The following CC2D1B variants were observed in gnomAD, a reference collection of about 807,000 sequenced individuals.
CC2D1B encodes coiled-coil and C2 domain containing 1B.
In CC2D1B, 92 loss-of-function variants were observed where a neutral mutation model predicts 110.8. The observed-to-expected ratio is 0.83, with a 90% CI of 0.70 to 0.99. The LOEUF (loss-of-function observed/expected upper bound fraction) is 0.99, where lower values mean the gene tolerates loss of function less well. CC2D1B is among the 50% of genes least tolerant of loss of function. CC2D1B has a pLI of 0.00. For synonymous variants in CC2D1B, 406 were observed against 429.2 expected (o/e 0.95, Z 0.67); for missense variants, 1,136 against 1,089.0 (o/e 1.04, Z -0.61).
intron 16 of CC2D1B, chr1:52,356,668 T>A (rs1646659808): frequency 1.6e-6 from 1 of 612,024 alleles, no homozygotes; most frequent in South Asian, 2.0e-5. Context: ...AGCAACTCCT[T>A]CCATCAAAAC....
intron 3 of CC2D1B, 87 bp downstream of exon 3, chr1:52,362,515 C>T: frequency 6.6e-7 from 1 of 1,505,966 alleles, no homozygotes; most frequent in South Asian, 1.2e-5. Flanking sequence ...ATCTGGCTGG[C>T]TCCGTCCAGC....
At chr1:52,361,939 T>G (rs1382575310) in intron 3 of CC2D1B, among the ~76,000 whole-genome samples, 1 of 152,246 alleles carries the variant, frequency 6.6e-6, no homozygotes, top group Non-Finnish European at 1.5e-5. Context: ...CAACAGAGCT[T>G]CAAAACAAAT....
At chr1:52,354,974 C>T (rs1340241403) in intron 21 of CC2D1B, 35 bp from the exon 22 acceptor site, 4 of 1,551,706 alleles carry the variant, frequency 2.6e-6, no homozygotes, top group Admixed American at 3.3e-5. Flanking sequence ...AGGGGCTTGG[C>T]TCTCGGGATT....
Position 52,354,625 on chromosome 1 carries a change from T to C in CC2D1B, c.2413A>G (p.Ile805Val), listed in dbSNP as rs768323645. 1 of 1,614,202 alleles carries C rather than the reference T, an allele frequency of 6.2e-7. No homozygotes were observed. The highest frequency in any genetic ancestry group is 8.5e-7 in the Non-Finnish European group (1 of 1,180,038). Residue 805 changes from isoleucine to valine, a missense_variant, in exon 23 of 25, where the codon ATC (isoleucine) becomes GTC (valine). Transcript: ENST00000284376. ...GCCCCTACCTCCACAATTTCTCTGA[T>C]CTCACACTCATTCTCCAGCCGCTCC... ...KLERLENECE[I>V]REIVEVLDGR... is the part of the protein sequence containing the mutation.
In CC2D1B at chr1:52,356,387, G is replaced by C. The variant is rs1242634724; in HGVS notation, c.1934C>G (p.Thr645Ser). 3 of 1,614,058 alleles carry C rather than the reference G, an allele frequency of 1.9e-6. No homozygotes were observed. ...FMHQGNVAET[T>S]RFEKLAQDRK... is the part of the protein sequence containing the mutation. Reference sequence around the variant, plus strand: ...CAGCCCCAGCCCTTGCACTTACCGGGTGGTCTCAGCCACGTTGCCCTGGTG... The same window carrying C: ...CAGCCCCAGCCCTTGCACTTACCGGCTGGTCTCAGCCACGTTGCCCTGGTG... The change falls in exon 17 of 25, where the codon ACC (threonine) becomes AGC (serine). Residue 645 changes from threonine to serine, a missense_variant. Coordinates refer to ENST00000284376, the MANE Select transcript of CC2D1B (RefSeq NM_001330585.2).
chr1:52,357,219 C>T (rs1646673365), intron 15 of CC2D1B, 93 bp from the exon 16 acceptor site: 1 of 1,444,924 alleles, frequency 6.9e-7, no homozygotes, highest in African/African-American at 1.4e-5. Flanking sequence ...AGTAATTCTT[C>T]AGCTTCTACT....
In CC2D1B at chr1:52,361,048, C is replaced by T; in HGVS notation, c.403G>A (p.Glu135Lys). Residue 135 changes from glutamate to lysine, a missense_variant, in exon 5 of 25, where the codon GAG becomes AAG. Transcript: ENST00000284376. ...DEVADPGGSE[E>K]ENGLEDTEPP... The stretch of plus-strand genomic sequence containing the variant: ...TCAGTGTCTTCTAGGCCGTTCTCCT[C>T]CTCAGAGCCGCCTGGGTCAGCTACC... The T allele has an allele frequency of 1.2e-6, 2 of 1,614,136 alleles. No homozygotes were observed. The highest frequency in any genetic ancestry group is 2.7e-5 in the African/African-American group (2 of 75,032).
intron 12 of CC2D1B, 78 bp downstream of exon 12, chr1:52,358,608 G>T: frequency 6.4e-7 from 1 of 1,569,290 alleles, no homozygotes; most frequent in Non-Finnish European, 8.8e-7. Flanking sequence ...TGAGAAGTGG[G>T]AATCACTGGC....
chr1:52,357,068 A>T lies in CC2D1B; in HGVS notation c.1811T>A (p.Leu604Gln), dbSNP rs773966067. The T allele has an allele frequency of 4.3e-6, 7 of 1,610,760 alleles. No homozygotes were observed. In the Admixed American group the frequency reaches 1.2e-4, roughly 27 times the overall value. Residue 604 changes from leucine (L) to glutamine (Q), a missense_variant, in exon 16 of 25, where the codon CTG (leucine) becomes CAG (glutamine). Coordinates refer to ENST00000284376, the MANE Select transcript of CC2D1B (RefSeq NM_001330585.2). The part of the protein sequence containing the change: ...GDFILIHHED[L>Q]RLSQKAEEVY... Reference sequence around the variant, plus strand: ...CTCCTCCGCCTTCTGGGAGAGTCGCAGGTCCTCATGGTGGATGAGGATGAA... The same window carrying T: ...CTCCTCCGCCTTCTGGGAGAGTCGCTGGTCCTCATGGTGGATGAGGATGAA...
chr1:52,356,657 T>C (rs556836775), intron 16 of CC2D1B: 2 of 613,944 alleles, frequency 3.3e-6, no homozygotes, highest in South Asian at 4.1e-5. Context: ...TTCCCCAAAT[T>C]AGCAACTCCT....
chr1:52,359,415 A>G (rs1248687316), intron 9 of CC2D1B, 44 bp downstream of exon 9: 3 of 1,612,246 alleles, frequency 1.9e-6, no homozygotes, highest in African/African-American at 2.7e-5. Flanking sequence ...CAGGCCTGCT[A>G]CTCCTCCCCA....
rs1646563780 is a variant in CC2D1B, at chr1:52,353,247, G to GT, written c.*2-25_*2-24insA. On this transcript the variant is annotated intron_variant, in intron 24 of 24. Transcript: ENST00000284376. The stretch of plus-strand genomic sequence containing the variant: ...GGCTACACAGGGGTGCAAAGCACAA[G>GT]AAGTCAGTCTAAACTGCAGTGAAAA... The GT allele has an allele frequency of 2.9e-6, 4 of 1,401,256 alleles. No individual in the cohort carries two copies. In the African/African-American group the frequency reaches 5.8e-5, roughly 20 times the overall value. 86.8% of individuals were successfully genotyped at this position (1,401,256 alleles called of 1,614,324 possible). A position where few individuals can be genotyped will look rare whatever the true frequency, so the allele number is the denominator to read the frequency against.
rs1214725500 is a variant in CC2D1B, at chr1:52,352,003, C to T, written c.*1222G>A. 6.6e-6 allele frequency: 1 copy of T among 152,084 alleles called. No individual in the cohort carries two copies. Among genetic ancestry groups the T allele is most frequent in the Non-Finnish European group, 1.5e-5 (1 of 68,036 alleles). The allele number at this position is 152,084 out of a possible 1,614,324, so 9.4% of individuals were successfully genotyped here. On this transcript the variant is annotated 3_prime_UTR_variant, in exon 25 of 25. Coordinates refer to ENST00000284376, the MANE Select transcript of CC2D1B (RefSeq NM_001330585.2). Reference sequence around the variant, plus strand: ...CGTTTAAGGGCAGGGAAGCATGGTCCAGCCCTGTTATCCCCCAAAAGGACA... The same window carrying T: ...CGTTTAAGGGCAGGGAAGCATGGTCTAGCCCTGTTATCCCCCAAAAGGACA...
In CC2D1B at chr1:52,354,540, G is replaced by A. The variant is rs1024987884; in HGVS notation, c.2430+68C>T. The A allele has an allele frequency of 1.5e-5, 18 of 1,231,846 alleles. No individual in the cohort carries two copies. The African/African-American group carries it at 2.1e-4, about 14-fold the overall frequency. 76.3% of individuals were successfully genotyped at this position (1,231,846 alleles called of 1,614,324 possible). ...TGAGCACGAAAACCTACAACAAGGT[G>A]TGGCATTCAGTGCGTATTGGCTCTT... On this transcript the variant is annotated intron_variant, in intron 23 of 24. Coordinates refer to ENST00000284376, the MANE Select transcript of CC2D1B (RefSeq NM_001330585.2).
chr1:52,361,656 T>C, intron 3 of CC2D1B, 40 bp from the exon 4 acceptor site: 1 of 1,612,854 alleles, frequency 6.2e-7, no homozygotes, highest in Middle Eastern at 1.7e-4. Context: ...ACAACTCAGA[T>C]AAGTTCAGGG....
intron 3 of CC2D1B, 35 bp from the exon 4 acceptor site, chr1:52,361,651 T>G (rs1646785640): frequency 6.2e-7 from 1 of 1,612,848 alleles, no homozygotes; most frequent in Non-Finnish European, 8.5e-7. Context: ...TCAGCACAAC[T>G]CAGATAAGTT....
At chr1:52,356,523 G>T in intron 16 of CC2D1B, 81 bp from the exon 17 acceptor site, 1 of 1,473,986 alleles carries the variant, frequency 6.8e-7, no homozygotes, top group Non-Finnish European at 9.5e-7. Flanking sequence ...ACTTCTCAAA[G>T]CTTCAACTTT....
chr1:52,357,297 C>T, intron 15 of CC2D1B, 171 bp from the exon 16 acceptor site: 4 of 935,696 alleles, frequency 4.3e-6, no homozygotes, highest in Middle Eastern at 2.3e-4. Context: ...CTCCCATGGC[C>T]TGGCCCAGCC....
At chr1:52,359,228 C>G in intron 10 of CC2D1B, 22 bp downstream of exon 10, 1 of 1,611,062 alleles carries the variant, frequency 6.2e-7, no homozygotes, top group Non-Finnish European at 8.5e-7. Flanking sequence ...CCCCACGCCA[C>G]AGTCCCACCA....
Sources: gnomAD v4.1 joint callset for allele counts (sites outside exome capture counted in the v4.1 genomes callset) on GRCh38, gnomAD v4.1.1 for gene constraint, MANE v1.5 for transcripts, NCBI Gene and HGNC (gene_info 2026-07-23, HGNC 2026-07-21) for gene names.